Variants in CACNA2D3 observed in about 807,000 individuals in gnomAD.
The protein encoded by CACNA2D3 is voltage-dependent calcium channel subunit alpha-2/delta-3.
In CACNA2D3, 60 loss-of-function variants were observed where a neutral mutation model predicts 160.6. The ratio of observed to expected loss-of-function variants is 0.37; its 90% CI spans 0.30 to 0.46. The LOEUF (loss-of-function observed/expected upper bound fraction) is 0.46. CACNA2D3 is among the 20% of genes least tolerant of loss of function. The pLI is 1.00. For missense variants in CACNA2D3, 1,205 were observed against 1,365.0 expected, an observed-to-expected ratio of 0.88 and a Z score of 1.85; for synonymous variants, 558 against 492.9, an observed-to-expected ratio of 1.13 and a Z score of -1.75.
At position 54,991,978 on chromosome 3, in the gene CACNA2D3, A is replaced by C. The variant is rs76986264; in HGVS notation, c.2690+4225A>C. 3.1e-3 allele frequency among the ~76,000 whole-genome samples: 465 copies of C among 150,328 alleles called. 4 individuals are homozygous for C. Among genetic ancestry groups the C allele is most frequent in the African/African-American group, 0.011 (437 of 39,706 alleles). On this transcript the variant is annotated intron_variant, in intron 31 of 37. Transcript: ENST00000474759. ...TTTTGTTTGTTTGTCTTATTTTATC[A>C]CTAATAACCCCCAAAGGATAGTTAC...
intron 11 of CACNA2D3, among the ~76,000 whole-genome samples, chr3:54,736,425 G>C (rs138911456): frequency 7.1e-4 from 108 of 151,952 alleles, no homozygotes; most frequent in Non-Finnish European, 1.4e-3. Context: ...TTGTTTCCTT[G>C]TGTTGATTTC....
chr3:54,309,282 T>C (rs1703677091), intron 2 of CACNA2D3, among the ~76,000 whole-genome samples: 2 of 152,236 alleles, frequency 1.3e-5, no homozygotes, highest in Non-Finnish European at 2.9e-5. Context: ...ATAGCTGGTA[T>C]AGTAGCTTGC....
chr3:54,761,276 C>G lies in CACNA2D3; in HGVS notation c.1247-2942C>G, dbSNP rs151025786. Among the ~76,000 whole-genome samples, 53 of 152,312 alleles carry G rather than the reference C, an allele frequency of 3.5e-4. No individual in the cohort carries two copies. In the South Asian group the frequency reaches 4.6e-3, roughly 13 times the overall value. ...GGCACCTAAACAGAATTGTTTGACA[C>G]TGCAAAGCACTCATCCCTGTATCCT... On this transcript the variant is annotated intron_variant, in intron 12 of 37. Transcript: ENST00000474759.
intron 13 of CACNA2D3, among the ~76,000 whole-genome samples, chr3:54,769,926 G>T (rs994529737): frequency 6.6e-6 from 1 of 152,150 alleles, no homozygotes; most frequent in Non-Finnish European, 1.5e-5. Flanking sequence ...GTGGGTGCCT[G>T]GGTCAGTGTC....
At chr3:54,631,498 A>G (rs1575394283) in intron 10 of CACNA2D3, among the ~76,000 whole-genome samples, 1 of 152,120 alleles carries the variant, frequency 6.6e-6, no homozygotes, top group Non-Finnish European at 1.5e-5. Flanking sequence ...CTGCCTTTAC[A>G]AGTCAATATG....
At chr3:54,238,547 G>A (rs56986916) in intron 2 of CACNA2D3, among the ~76,000 whole-genome samples, 5,819 of 152,280 alleles carry the variant, frequency 0.038, 217 homozygotes, top group Admixed American at 0.092. Flanking sequence ...GGAGAAAGCA[G>A]TAAATCTCAA....
chr3:54,591,906 T>C (rs1199920883), intron 9 of CACNA2D3, among the ~76,000 whole-genome samples: 2 of 152,166 alleles, frequency 1.3e-5, no homozygotes, highest in Admixed American at 1.3e-4. Context: ...TTGGGGTGTA[T>C]CATTCTTTAA....
At chr3:54,149,090 C>T (rs190319041) in intron 2 of CACNA2D3, among the ~76,000 whole-genome samples, 2 of 151,872 alleles carry the variant, frequency 1.3e-5, no homozygotes, top group Non-Finnish European at 2.9e-5. Flanking sequence ...TTTTATGCCA[C>T]GACAGTGAGA....
intron 3 of CACNA2D3, among the ~76,000 whole-genome samples, chr3:54,322,968 C>A (rs1413783316): frequency 3.9e-5 from 6 of 152,150 alleles, no homozygotes; most frequent in Non-Finnish European, 5.9e-5. Context: ...AATGCACAGG[C>A]CTTCTGTAAT....
intron 35 of CACNA2D3, among the ~76,000 whole-genome samples, chr3:55,021,707 ATGTGTGTG>A (rs547342057): frequency 1.5e-5 from 2 of 137,294 alleles, no homozygotes; most frequent in African/African-American, 6.2e-5. Flanking sequence ...GTATATATAT[ATGTGTGTG>A]TATATATATA....
At position 54,191,397 on chromosome 3, in the gene CACNA2D3, ACATCATCATCATCAT is replaced by A. The variant is rs10533577; in HGVS notation, c.204+67828_204+67842del. On this transcript the variant is annotated intron_variant, in intron 2 of 37. Coordinates refer to ENST00000474759, the MANE Select transcript of CACNA2D3 (RefSeq NM_018398.3). ...TAATGCCTTTTCTTTTAAAACATCA[ACATCATCATCATCAT>A]CATCATCATCATCATCATCATCATA... Among the ~76,000 whole-genome samples, 73 of 150,022 alleles carry A rather than the reference ACATCATCATCATCAT, an allele frequency of 4.9e-4. 1 individual carries two copies. The highest frequency in any genetic ancestry group is 9.6e-4 in the Non-Finnish European group (65 of 67,678).
chr3:54,298,757 G>A (rs1430102540), intron 2 of CACNA2D3, among the ~76,000 whole-genome samples: 2 of 151,992 alleles, frequency 1.3e-5, no homozygotes, highest in South Asian at 2.1e-4. Flanking sequence ...GCAGTGAGCC[G>A]TGATCATGCC....
intron 5 of CACNA2D3, among the ~76,000 whole-genome samples, chr3:54,522,699 T>C (rs1013143057): frequency 1.3e-5 from 2 of 152,058 alleles, no homozygotes; most frequent in Non-Finnish European, 2.9e-5. Flanking sequence ...AGGGTGAAAG[T>C]GAGAAAGGGA....
At chr3:54,250,908 G>A (rs1355706400) in intron 2 of CACNA2D3, among the ~76,000 whole-genome samples, 4 of 152,136 alleles carry the variant, frequency 2.6e-5, no homozygotes, top group Non-Finnish European at 5.9e-5. Flanking sequence ...TAGTGAGTTG[G>A]TTTGAGTGTT....
chr3:54,636,574 C>G (rs542860203), intron 10 of CACNA2D3, among the ~76,000 whole-genome samples: 4 of 152,118 alleles, frequency 2.6e-5, no homozygotes, highest in African/African-American at 9.7e-5. Context: ...GCAGCCTCTG[C>G]ACGCAGACAT....
At chr3:54,201,721 T>C (rs528025931) in intron 2 of CACNA2D3, among the ~76,000 whole-genome samples, 30 of 152,338 alleles carry the variant, frequency 2.0e-4, no homozygotes, top group African/African-American at 7.0e-4. Context: ...TGATTTTCAA[T>C]TTAAAAGCAA....
At chr3:54,789,922 T>C (rs753589763) in intron 13 of CACNA2D3, 6 of 501,602 alleles carry the variant, frequency 1.2e-5, no homozygotes, top group African/African-American at 3.9e-5. Flanking sequence ...TTCCTCTGTT[T>C]TGAGATTCAC....
chr3:54,686,049 C>T (rs543494424), intron 11 of CACNA2D3, among the ~76,000 whole-genome samples: 2 of 152,202 alleles, frequency 1.3e-5, no homozygotes, highest in South Asian at 2.1e-4. Flanking sequence ...TGAATTGTCT[C>T]GATTCTCATA....
At chr3:55,039,049 C>T (rs894047080) in intron 35 of CACNA2D3, among the ~76,000 whole-genome samples, 4 of 151,754 alleles carry the variant, frequency 2.6e-5, no homozygotes, top group Admixed American at 2.0e-4. Context: ...AGAGATGCTG[C>T]CCTGCAACTT....
Sources: gnomAD v4.1 joint callset for allele counts (sites outside exome capture counted in the v4.1 genomes callset) on GRCh38, gnomAD v4.1.1 for gene constraint, MANE v1.5 for transcripts, NCBI Gene and HGNC (gene_info 2026-07-23, HGNC 2026-07-21) for gene names.